The following CDH18 variants were observed in gnomAD, a reference collection of about 807,000 sequenced individuals.
The protein encoded by CDH18 is cadherin 18.
CDH18 carries 31 observed loss-of-function variants against 67.9 expected under a neutral mutation model. That is an observed-to-expected ratio of 0.46 (90% confidence interval 0.34 to 0.62). The LOEUF is 0.62. CDH18 is among the 20% of genes least tolerant of loss of function. The pLI, the probability that CDH18 is intolerant of heterozygous loss-of-function variation, is 0.01. For missense variants in CDH18, 890 were observed against 975.5 expected, an observed-to-expected ratio of 0.91 and a Z score of 1.17; for synonymous variants, 362 against 347.2, an observed-to-expected ratio of 1.04 and a Z score of -0.48.
At chr5:19,960,693 GTGTATATA>G (rs1364809166) in intron 2 of CDH18, among the ~76,000 whole-genome samples, 2 of 126,682 alleles carry the variant, frequency 1.6e-5, no homozygotes, top group East Asian at 2.1e-4. Flanking sequence ...ACATATACAC[GTGTATATA>G]TGTATATATG....
At chr5:19,513,639 T>C (rs886640468) in intron 10 of CDH18, among the ~76,000 whole-genome samples, 1 of 152,128 alleles carries the variant, frequency 6.6e-6, no homozygotes, top group African/African-American at 2.4e-5. Context: ...TTAAGAATAA[T>C]GCTTAGGCTT....
In CDH18 at chr5:19,934,478, T is replaced by C. The variant is rs149416889; in HGVS notation, c.-257+46582A>G. On this transcript the variant is annotated intron_variant, in intron 2 of 12. Coordinates refer to ENST00000382275, the MANE Select transcript of CDH18 (RefSeq NM_004934.5). ...TCCCTTTCTAACAGGTATGGGGAGG[T>C]CATTCACACACAGACAGATGGTTCC... 7.6e-3 allele frequency among the ~76,000 whole-genome samples: 1,152 copies of C among 151,364 alleles called. 22 individuals carry two copies. Among genetic ancestry groups the C allele is most frequent in the African/African-American group, 0.027 (1,099 of 41,422 alleles).
At chr5:20,066,668 A>C (rs1405013686) in intron 2 of CDH18, among the ~76,000 whole-genome samples, 1 of 152,022 alleles carries the variant, frequency 6.6e-6, no homozygotes, top group Admixed American at 6.6e-5. Flanking sequence ...TAAATTTTTC[A>C]TACTTTTTTT....
intron 2 of CDH18, among the ~76,000 whole-genome samples, chr5:20,225,720 T>A (rs1580522838): frequency 6.6e-6 from 1 of 152,018 alleles, no homozygotes; most frequent in East Asian, 1.9e-4. Flanking sequence ...GTACTTTGTA[T>A]GGAAAAAATA....
At chr5:19,883,008 T>G (rs1199033620) in intron 2 of CDH18, among the ~76,000 whole-genome samples, 1 of 152,168 alleles carries the variant, frequency 6.6e-6, no homozygotes, top group Non-Finnish European at 1.5e-5. Flanking sequence ...TTTAGCCCTT[T>G]AAAGGAAAGG....
rs571670160 is a variant in CDH18 at position 20,571,397 on chromosome 5, A to G, written c.-580+4065T>C. On this transcript the variant is annotated intron_variant, in intron 1 of 14. Coordinates refer to the CDH18 transcript ENST00000507958. Reference sequence around the variant, plus strand: ...TTTAGAAGACAGTAAAGTCCTTAACATATTTTATTTATGGTTCACATCAAT... The same window carrying G: ...TTTAGAAGACAGTAAAGTCCTTAACGTATTTTATTTATGGTTCACATCAAT... 2.2e-4 allele frequency among the ~76,000 whole-genome samples: 33 copies of G among 152,224 alleles called. No individual in the cohort carries two copies. The South Asian group carries it at 5.8e-3, about 27-fold the overall frequency.
intron 2 of CDH18, among the ~76,000 whole-genome samples, chr5:20,170,252 C>T (rs150771409): frequency 1.3e-5 from 2 of 151,826 alleles, no homozygotes; most frequent in African/African-American, 4.8e-5. Context: ...TGTTCAGCTC[C>T]CACTTACAAG....
intron 2 of CDH18, among the ~76,000 whole-genome samples, chr5:19,931,172 A>C (rs538789661): frequency 2.0e-5 from 3 of 152,076 alleles, no homozygotes; most frequent in African/African-American, 7.2e-5. Context: ...ATAACCCTTC[A>C]TATTATCTAC....
chr5:20,239,773 T>A (rs1011937646), intron 2 of CDH18, among the ~76,000 whole-genome samples: 1 of 152,298 alleles, frequency 6.6e-6, no homozygotes, highest in East Asian at 1.9e-4. Flanking sequence ...TCAAAATGTA[T>A]CTTTATCTTC....
intron 2 of CDH18, among the ~76,000 whole-genome samples, chr5:19,849,563 G>T (rs1783408382): frequency 1.3e-5 from 2 of 149,774 alleles, no homozygotes; most frequent in South Asian, 2.1e-4. Context: ...TACCAATGAA[G>T]TATACAAATT....
At chr5:19,530,307 C>T (rs1179638339) in intron 9 of CDH18, among the ~76,000 whole-genome samples, 2 of 151,618 alleles carry the variant, frequency 1.3e-5, no homozygotes, top group Admixed American at 1.3e-4. Flanking sequence ...AAATATAAAA[C>T]CTCAAAGTTT....
At chr5:20,046,030 T>C (rs577146474) in intron 2 of CDH18, among the ~76,000 whole-genome samples, 1 of 152,206 alleles carries the variant, frequency 6.6e-6, no homozygotes, top group East Asian at 1.9e-4. Flanking sequence ...AAAGGTTCAC[T>C]CTGGCTACTG....
chr5:19,653,831 C>T (rs1247019170), intron 5 of CDH18, among the ~76,000 whole-genome samples: 1 of 152,216 alleles, frequency 6.6e-6, no homozygotes, highest in Middle Eastern at 3.4e-3. Context: ...GCACTTGGCT[C>T]AAGGTAAACG....
chr5:19,863,123 T>C (rs1785080818), intron 2 of CDH18, among the ~76,000 whole-genome samples: 1 of 151,972 alleles, frequency 6.6e-6, no homozygotes. Context: ...TCCCTGGTTG[T>C]CTTATGCCTG....
At chr5:20,324,324 G>A (rs1468113936) in intron 1 of CDH18, among the ~76,000 whole-genome samples, 1 of 152,166 alleles carries the variant, frequency 6.6e-6, no homozygotes, top group African/African-American at 2.4e-5. Context: ...CGGATCACGA[G>A]GTCAGGAGAT....
chr5:19,998,019 G>T (rs1419660838), intron 2 of CDH18, among the ~76,000 whole-genome samples: 1 of 152,276 alleles, frequency 6.6e-6, no homozygotes, highest in African/African-American at 2.4e-5. Flanking sequence ...AACATGAAAT[G>T]GAAAATCAGG....
chr5:19,919,028 G>A (rs2150160057), intron 2 of CDH18, among the ~76,000 whole-genome samples: 1 of 152,146 alleles, frequency 6.6e-6, no homozygotes, highest in Non-Finnish European at 1.5e-5. Context: ...TGAGTGACTG[G>A]AGATTGAGTA....
chr5:19,673,619 C>A (rs982016509), intron 5 of CDH18, among the ~76,000 whole-genome samples: 2 of 151,914 alleles, frequency 1.3e-5, no homozygotes, highest in Admixed American at 6.6e-5. Context: ...CTAGAATATT[C>A]TTTTAATTAA....
intron 2 of CDH18, among the ~76,000 whole-genome samples, chr5:20,212,920 T>C (rs1561881792): frequency 6.6e-6 from 1 of 152,048 alleles, no homozygotes; most frequent in Non-Finnish European, 1.5e-5. Context: ...TTTTTTACTG[T>C]TTTGCTTTCT....
Sources: gnomAD v4.1 joint callset for allele counts (sites outside exome capture counted in the v4.1 genomes callset) on GRCh38, gnomAD v4.1.1 for gene constraint, MANE v1.5 for transcripts, NCBI Gene and HGNC (gene_info 2026-07-23, HGNC 2026-07-21) for gene names.